Variants in SH3PXD2A observed in about 807,000 individuals in gnomAD.
The protein encoded by SH3PXD2A is SH3 and PX domain-containing protein 2A.
SH3PXD2A carries 32 observed loss-of-function variants against 115.2 expected under a neutral mutation model. The ratio of observed to expected loss-of-function variants is 0.28; its 90% confidence interval spans 0.21 to 0.37. SH3PXD2A has a LOEUF of 0.37. SH3PXD2A is among the 10% of genes least tolerant of loss of function. SH3PXD2A has a pLI of 1.00. For missense variants in SH3PXD2A, 1,328 were observed against 1,498.7 expected (o/e 0.89, Z 1.88); for synonymous variants, 610 against 629.1 (o/e 0.97, Z 0.45).
chr10:103,810,109 A>G (rs2039251872), intron 1 of SH3PXD2A, among the ~76,000 whole-genome samples: 2 of 152,130 alleles, frequency 1.3e-5, no homozygotes, highest in Non-Finnish European at 2.9e-5. Flanking sequence ...TACCTTTTGG[A>G]GGCTCTTGTG....
chr10:103,660,634 C>T (rs964539207), intron 8 of SH3PXD2A, among the ~76,000 whole-genome samples: 4 of 152,258 alleles, frequency 2.6e-5, no homozygotes, highest in African/African-American at 9.6e-5. Flanking sequence ...TGGCTCAGAA[C>T]GTGGTTGTTG....
intron 8 of SH3PXD2A, among the ~76,000 whole-genome samples, chr10:103,658,552 T>C (rs1240200015): frequency 6.6e-6 from 1 of 152,056 alleles, no homozygotes; most frequent in African/African-American, 2.4e-5. Context: ...CCTCTTCCTT[T>C]CTCCCCTCCA....
intron 3 of SH3PXD2A, chr10:103,749,858 A>G (rs978803404): frequency 2.0e-5 from 3 of 152,176 alleles, no homozygotes; most frequent in African/African-American, 7.2e-5. Context: ...TGTGGCAAGG[A>G]GCTGAGGCCT....
intron 5 of SH3PXD2A, among the ~76,000 whole-genome samples, chr10:103,698,727 G>A (rs919687444): frequency 1.3e-5 from 2 of 152,166 alleles, no homozygotes; most frequent in Non-Finnish European, 2.9e-5. Flanking sequence ...AGAGATATAT[G>A]TGACATAAGT....
chr10:103,617,082 G>A lies in SH3PXD2A; in HGVS notation c.920+115C>T, dbSNP rs912403881. The A allele has an allele frequency of 2.2e-4, 160 of 734,778 alleles. 2 individuals carry two copies. In the East Asian group the frequency reaches 3.4e-3, roughly 16 times the overall value. 45.5% of individuals were successfully genotyped at this position (734,778 alleles called of 1,614,324 possible). A position where few individuals can be genotyped will look rare whatever the true frequency, so the allele number is the denominator to read the frequency against. Reference sequence around the variant, plus strand: ...AGGTGCAGCAGCCCAGCCCTGTGCCGTGGGCACAAAGCTGTCAGTATCTAC... The same window carrying A: ...AGGTGCAGCAGCCCAGCCCTGTGCCATGGGCACAAAGCTGTCAGTATCTAC... On this transcript the variant is annotated intron_variant, in intron 11 of 14. Coordinates refer to ENST00000369774, the MANE Select transcript of SH3PXD2A (RefSeq NM_001394015.1).
At chr10:103,849,175 A>G (rs1015867068) in intron 1 of SH3PXD2A, among the ~76,000 whole-genome samples, 4 of 151,832 alleles carry the variant, frequency 2.6e-5, no homozygotes. Context: ...CTCTCTCACC[A>G]AGCCAGCTCT....
chr10:103,765,955 C>G (rs769496143), intron 3 of SH3PXD2A, among the ~76,000 whole-genome samples: 1 of 152,212 alleles, frequency 6.6e-6, no homozygotes. Flanking sequence ...TCCAGTCTTG[C>G]CCAAACTGTG....
At chr10:103,639,394 G>A (rs1018849347) in intron 8 of SH3PXD2A, among the ~76,000 whole-genome samples, 2 of 151,840 alleles carry the variant, frequency 1.3e-5, no homozygotes, top group Non-Finnish European at 2.9e-5. Flanking sequence ...GGTGGATCAC[G>A]AGGTCAAGAG....
intron 8 of SH3PXD2A, among the ~76,000 whole-genome samples, chr10:103,636,858 AT>A (rs767818885): frequency 3.9e-5 from 6 of 152,022 alleles, no homozygotes; most frequent in Non-Finnish European, 7.4e-5. Flanking sequence ...GAGCCCAAGG[AT>A]GCTTCTTAAT....
chr10:103,665,075 G>A lies in SH3PXD2A; in HGVS notation c.472+3533C>T, dbSNP rs780080391. 4.6e-5 allele frequency among the ~76,000 whole-genome samples: 7 copies of A among 152,162 alleles called. No homozygotes were observed. Among genetic ancestry groups the A allele is most frequent in the Non-Finnish European group, 8.8e-5 (6 of 68,026 alleles). On this transcript the variant is annotated intron_variant, in intron 7 of 14. Coordinates refer to ENST00000369774, the MANE Select transcript of SH3PXD2A (RefSeq NM_001394015.1). This position sits in a 1 kb window ranked among gnomAD's most constrained non-coding sequence, Gnocchi z 4.0. Reference sequence around the variant, plus strand: ...TAAGTGTGAAATGAACCAGTGAAACGCGTGAACTGGCAGAAAGATGAACAG... The same window carrying A: ...TAAGTGTGAAATGAACCAGTGAAACACGTGAACTGGCAGAAAGATGAACAG...
chr10:103,827,254 G>A (rs997730653), intron 1 of SH3PXD2A, among the ~76,000 whole-genome samples: 2 of 152,072 alleles, frequency 1.3e-5, no homozygotes, highest in African/African-American at 4.8e-5. Flanking sequence ...GGGCGGGGCT[G>A]GTGGAATTCC....
intron 8 of SH3PXD2A, among the ~76,000 whole-genome samples, chr10:103,632,693 G>A (rs2036798288): frequency 6.6e-6 from 1 of 152,160 alleles, no homozygotes; most frequent in Non-Finnish European, 1.5e-5. Context: ...AACAGAGCCT[G>A]GGCCGGGCGC....
Position 103,825,795 on chromosome 10 carries a change from G to T in SH3PXD2A, c.73-24433C>A, listed in dbSNP as rs187267539. ...TTTTTTTTTTTTGAGACGGAGTCTCGCTCTGTCACCCAGGCTGGGGTGCAG... is the reference window on the plus strand; with the variant it reads ...TTTTTTTTTTTTGAGACGGAGTCTCTCTCTGTCACCCAGGCTGGGGTGCAG... On this transcript the variant is annotated intron_variant, in intron 1 of 14. Coordinates refer to ENST00000369774, the MANE Select transcript of SH3PXD2A (RefSeq NM_001394015.1). Among the ~76,000 whole-genome samples, 7 of 133,046 alleles carry T rather than the reference G, an allele frequency of 5.3e-5. No individual in the cohort carries two copies. The East Asian group carries it at 1.5e-3, about 28-fold the overall frequency. 87.3% of individuals were successfully genotyped at this position (133,046 alleles called of 152,430 possible).
rs1243361641 is a variant in SH3PXD2A at position 103,724,319 on chromosome 10, C to G, written c.349G>C (p.Val117Leu). 6.3e-7 allele frequency: 1 copy of G among 1,584,846 alleles called. No individual in the cohort carries two copies. ...GGTCGAGCCTCGAAGAACCGGAAGA[C>G]TTCGTCACACTGTGAGATGTGGGGG... ...LPPHISQCDE[V>L]FRFFEARPED... is the part of the protein sequence containing the mutation. The change falls in exon 5 of 15, where the codon GTC becomes CTC. Residue 117 changes from valine (V) to leucine (L), a missense_variant. By Grantham distance (32) the Val-to-Leu change is conservative. Transcript: ENST00000369774.
At position 103,602,381 on chromosome 10, in the gene SH3PXD2A, G is replaced by T. The variant is rs768074717; in HGVS notation, c.2837C>A (p.Thr946Lys). 6.2e-7 allele frequency: 1 copy of T among 1,613,878 alleles called. No individual in the cohort carries two copies. Among genetic ancestry groups the T allele is most frequent in the South Asian group, 1.1e-5 (1 of 91,050 alleles). ...GGGAGGTTTGGAGGGGATGGGGGGC[G>T]TGGCCTTCTTGCTCTGGTTGACGGT... ...LNTVNQSKKATPPIPSKPPGG... is the reference protein window; with the variant it reads ...LNTVNQSKKAKPPIPSKPPGG... Residue 946 changes from threonine to lysine, a missense_variant, in exon 15 of 15, where the codon ACG becomes AAG. By Grantham distance (78) the Thr-to-Lys change is moderately conservative (BLOSUM62 -1). Transcript: ENST00000369774.
At chr10:103,829,691 G>T (rs551909585) in intron 1 of SH3PXD2A, among the ~76,000 whole-genome samples, 7 of 152,298 alleles carry the variant, frequency 4.6e-5, no homozygotes, top group African/African-American at 1.7e-4. Flanking sequence ...CATAACATGC[G>T]CATAACATAG....
chr10:103,677,882 C>T (rs562375593), intron 6 of SH3PXD2A, among the ~76,000 whole-genome samples: 2 of 152,160 alleles, frequency 1.3e-5, no homozygotes, highest in African/African-American at 2.4e-5. Flanking sequence ...CCCCACTGCC[C>T]CAGGACCCTC....
chr10:103,819,056 C>T (rs1282077224), intron 1 of SH3PXD2A, among the ~76,000 whole-genome samples: 2 of 152,194 alleles, frequency 1.3e-5, no homozygotes, highest in Non-Finnish European at 2.9e-5. Context: ...CTTGGTAGAT[C>T]CTCAGTAAAG....
chr10:103,695,343 C>A lies in SH3PXD2A; in HGVS notation c.399-2287G>T, dbSNP rs138737045. On this transcript the variant is annotated intron_variant, in intron 5 of 14. Transcript: ENST00000369774. ...TAGGCAACATAGTGAGACCCCCTAT[C>A]TCTACCAAAAATAAATTAGCTAGGC... Among the ~76,000 whole-genome samples the A allele has an allele frequency of 1.6e-3, 241 of 152,168 alleles. 2 individuals carry two copies. Among genetic ancestry groups the A allele is most frequent in the African/African-American group, 5.6e-3 (234 of 41,524 alleles).
Sources: allele counts gnomAD v4.1 joint callset (sites outside exome capture counted in the v4.1 genomes callset), GRCh38; gene constraint gnomAD v4.1.1; non-coding constraint Gnocchi (gnomAD v3.1); transcripts MANE v1.5; gene names NCBI Gene and HGNC (gene_info 2026-07-23, HGNC 2026-07-21).